The following KIF26B variants were observed in gnomAD, a reference collection of about 807,000 sequenced individuals.
KIF26B encodes the protein kinesin family member 26B.
A neutral mutation model predicts 151.2 loss-of-function variants in KIF26B; 63 were observed. The ratio of observed to expected loss-of-function variants is 0.42; its 90% confidence interval spans 0.34 to 0.51. The LOEUF (loss-of-function observed/expected upper bound fraction) is 0.51, where lower values mean the gene tolerates loss of function less well. KIF26B is among the 20% of genes least tolerant of loss of function. The probability of loss-of-function intolerance (pLI) is 0.07; values close to 1 mark genes in which losing one functional copy is unlikely to be tolerated. For missense variants in KIF26B, 2,813 were observed against 2,913.6 expected (o/e 0.97, Z 0.79); for synonymous variants, 1,357 against 1,262.1 (o/e 1.08, Z -1.59).
At chr1:245,328,961 A>G (rs1413082841) in intron 2 of KIF26B, among the ~76,000 whole-genome samples, 1 of 152,194 alleles carries the variant, frequency 6.6e-6, no homozygotes, top group African/African-American at 2.4e-5. Context: ...GTATATTATA[A>G]TCTATTAGAG....
intron 10 of KIF26B, among the ~76,000 whole-genome samples, chr1:245,661,600 C>A (rs2044140057): frequency 6.6e-6 from 1 of 151,092 alleles, no homozygotes; most frequent in Non-Finnish European, 1.5e-5. Context: ...TATATATACA[C>A]CCAATGATAT....
intron 4 of KIF26B, among the ~76,000 whole-genome samples, chr1:245,532,846 A>G (rs1661404311): frequency 6.6e-6 from 1 of 152,184 alleles, no homozygotes; most frequent in South Asian, 2.1e-4. Flanking sequence ...CAATTAGAAA[A>G]TACAAAGGTG....
rs183288198 is a variant in KIF26B at position 245,421,827 on chromosome 1, G to T, written c.1166+2082G>T. ...GGGAAAGGATGTGGAAATGAGGGGG[G>T]CCTGGGAACCTCATAGTACTGGACA... On this transcript the variant is annotated intron_variant, in intron 4 of 14. Transcript: ENST00000407071. 2.3e-3 allele frequency among the ~76,000 whole-genome samples: 351 copies of T among 152,212 alleles called. 1 individual carries two copies. The highest frequency in any genetic ancestry group is 7.8e-3 in the African/African-American group (324 of 41,536).
At position 245,611,942 on chromosome 1, in the gene KIF26B, C is replaced by T. The variant is rs1215072052; in HGVS notation, c.2064C>T (p.Tyr688=). The change falls in exon 9 of 15, where the codon TAC becomes TAT. Residue 688 remains tyrosine, a synonymous_variant. Transcript: ENST00000407071. ...ACGTGTTCTTCACACTGCACATCTACCAGTACCGGATGGAGAAGAGCGGGA... is the reference window on the plus strand; with the variant it reads ...ACGTGTTCTTCACACTGCACATCTATCAGTACCGGATGGAGAAGAGCGGGA... ...NSHVFFTLHI[Y]QYRMEKSGKG... The T allele has an allele frequency of 8.7e-6, 14 of 1,613,700 alleles. No individual in the cohort carries two copies. Among genetic ancestry groups the T allele is most frequent in the Non-Finnish European group, 2.5e-6 (3 of 1,179,858 alleles).
At chr1:245,406,399 G>A (rs762777639) in intron 3 of KIF26B, among the ~76,000 whole-genome samples, 12 of 152,216 alleles carry the variant, frequency 7.9e-5, no homozygotes, top group Non-Finnish European at 1.6e-4. Context: ...CGTGGCTGTG[G>A]TATGGAGTGG....
chr1:245,383,276 C>T (rs1422956604), intron 3 of KIF26B, among the ~76,000 whole-genome samples: 1 of 152,088 alleles, frequency 6.6e-6, no homozygotes, highest in Non-Finnish European at 1.5e-5. Context: ...ACACGGTATC[C>T]CTGAAAAATA....
chr1:245,390,943 A>AAACAAAACAAAAC lies in KIF26B; in HGVS notation c.999+23578_999+23579insCAAAACAAAACAA, dbSNP rs1553270128. On this transcript the variant is annotated intron_variant, in intron 3 of 14. Transcript: ENST00000407071. ...TCTCAAAAAAAAAAAAAAAAAAAAA[A>AAACAAAACAAAAC]AAAAAAAAACCACCATAAAATTTTG... Among the ~76,000 whole-genome samples, 170 of 118,452 alleles carry AAACAAAACAAAAC rather than the reference A, an allele frequency of 1.4e-3. 11 individuals are homozygous for AAACAAAACAAAAC. Among genetic ancestry groups the AAACAAAACAAAAC allele is most frequent in the African/African-American group, 6.8e-3 (165 of 24,442 alleles). 77.7% of individuals were successfully genotyped at this position (118,452 alleles called of 152,430 possible). A position where few individuals can be genotyped will look rare whatever the true frequency, so the allele number is the denominator to read the frequency against.
chr1:245,166,334 C>G lies in KIF26B; in HGVS notation c.465+9651C>G, dbSNP rs1422924383. Among the ~76,000 whole-genome samples, 1 of 152,074 alleles carries G rather than the reference C, an allele frequency of 6.6e-6. No individual in the cohort carries two copies. Among genetic ancestry groups the G allele is most frequent in the African/African-American group, 2.4e-5 (1 of 41,402 alleles). The stretch of plus-strand genomic sequence containing the variant: ...GACACGAAAATGGAGAAACAGCAGT[C>G]AGAGAAAATGAAAGCATTCAGTGCG... On this transcript the variant is annotated intron_variant, in intron 2 of 14. Coordinates refer to ENST00000407071, the MANE Select transcript of KIF26B (RefSeq NM_018012.4). The surrounding 1 kb of genome is among the most constrained non-coding windows in gnomAD (Gnocchi z 4.5).
chr1:245,424,676 A>G (rs1033392169), intron 4 of KIF26B, among the ~76,000 whole-genome samples: 1 of 152,200 alleles, frequency 6.6e-6, no homozygotes, highest in Non-Finnish European at 1.5e-5. Context: ...ATGGAGAGGA[A>G]GCGTTTAGAA....
intron 5 of KIF26B, among the ~76,000 whole-genome samples, chr1:245,585,906 G>A (rs1285232306): frequency 6.6e-6 from 1 of 152,186 alleles, no homozygotes; most frequent in Non-Finnish European, 1.5e-5. Context: ...CATTGAACAC[G>A]TAGTCGACAC....
intron 2 of KIF26B, among the ~76,000 whole-genome samples, chr1:245,160,955 G>T (rs1225146694): frequency 6.6e-6 from 1 of 152,132 alleles, no homozygotes; most frequent in Non-Finnish European, 1.5e-5. Flanking sequence ...GACGCAAAAA[G>T]TCCCCCAAAA....
intron 5 of KIF26B, among the ~76,000 whole-genome samples, chr1:245,554,599 C>T (rs1329374803): frequency 6.6e-6 from 1 of 151,908 alleles, no homozygotes; most frequent in Admixed American, 6.6e-5. Flanking sequence ...TTATTATGGC[C>T]ATCACTCCGG....
At chr1:245,172,639 A>G (rs927345386) in intron 2 of KIF26B, among the ~76,000 whole-genome samples, 2 of 152,140 alleles carry the variant, frequency 1.3e-5, no homozygotes, top group African/African-American at 2.4e-5. Flanking sequence ...GTGAAACCCC[A>G]TCTCTACTAA....
At chr1:245,428,778 T>C (rs1183467515) in intron 4 of KIF26B, among the ~76,000 whole-genome samples, 2 of 152,112 alleles carry the variant, frequency 1.3e-5, no homozygotes. Flanking sequence ...TGTTGGCAAT[T>C]GGCTCCCAAC....
At chr1:245,644,500 C>T (rs1006506738) in intron 9 of KIF26B, among the ~76,000 whole-genome samples, 8 of 152,120 alleles carry the variant, frequency 5.3e-5, no homozygotes, top group South Asian at 2.1e-4. Flanking sequence ...TTCATTTTCC[C>T]GAGTCTTTAC....
At chr1:245,677,212 G>C (rs968310157) in intron 10 of KIF26B, among the ~76,000 whole-genome samples, 1 of 152,184 alleles carries the variant, frequency 6.6e-6, no homozygotes, top group African/African-American at 2.4e-5. Context: ...AGAGTGGGTG[G>C]TTCTCTGCAG....
At chr1:245,416,060 A>T (rs1674408382) in intron 3 of KIF26B, among the ~76,000 whole-genome samples, 1 of 150,050 alleles carries the variant, frequency 6.7e-6, no homozygotes, top group Non-Finnish European at 1.5e-5. Context: ...TGAGGTCGGG[A>T]GTTCGAGATC....
chr1:245,189,781 C>T (rs977381342), intron 2 of KIF26B, among the ~76,000 whole-genome samples: 4 of 152,218 alleles, frequency 2.6e-5, no homozygotes, highest in Non-Finnish European at 5.9e-5. Flanking sequence ...CTGATAAAGA[C>T]ACACATGAGA....
chr1:245,317,983 G>A (rs774806090), intron 2 of KIF26B, among the ~76,000 whole-genome samples: 9 of 152,168 alleles, frequency 5.9e-5, no homozygotes, highest in Non-Finnish European at 1.2e-4. Context: ...ACAAGCTAAT[G>A]TCTCTAACAC....
Sources: gnomAD v4.1 joint callset for allele counts (sites outside exome capture counted in the v4.1 genomes callset) on GRCh38, gnomAD v4.1.1 for gene constraint, Gnocchi (gnomAD v3.1) non-coding constraint, MANE v1.5 for transcripts, NCBI Gene and HGNC (gene_info 2026-07-23, HGNC 2026-07-21) for gene names.